The following STRA6 variants were observed in gnomAD, a reference collection of about 807,000 sequenced individuals.
STRA6 encodes signaling receptor and transporter of retinol STRA6, also known as receptor for retinol uptake STRA6.
In STRA6, 48 loss-of-function variants were observed where a neutral mutation model predicts 83.6. The ratio of observed to expected loss-of-function variants is 0.57; its 90% CI spans 0.46 to 0.73. The LOEUF (loss-of-function observed/expected upper bound fraction) is 0.73. Ranked by LOEUF, STRA6 falls within the 30% of genes least tolerant of loss-of-function variation. The pLI, the probability that STRA6 is intolerant of heterozygous loss-of-function variation, is 0.00. For synonymous variants in STRA6, 353 were observed against 362.3 expected (o/e 0.97, Z 0.29); for missense variants, 760 against 838.8 (o/e 0.91, Z 1.16).
intron 7 of STRA6, chr15:74,195,034 T>G (rs1257197399): frequency 2.1e-6 from 3 of 1,434,970 alleles, no homozygotes; most frequent in Non-Finnish European, 2.7e-6. Context: ...TTTCAGGCTT[T>G]CTCTTCCCCC....
chr15:74,180,888 A>G lies in STRA6; in HGVS notation c.1734T>C (p.His578=). 6.2e-7 allele frequency: 1 copy of G among 1,614,030 alleles called. No homozygotes were observed. The highest frequency in any genetic ancestry group is 8.5e-7 in the Non-Finnish European group (1 of 1,179,984). Residue 578 remains histidine (H), a synonymous_variant, in exon 18 of 19, where the codon CAT becomes CAC. Transcript: ENST00000395105. ...GGGAGCAGAAGGCTGTCATGGCTGGATGCGACTGGCTGACTTCAATCTTCA... is the reference window on the plus strand; with the variant it reads ...GGGAGCAGAAGGCTGTCATGGCTGGGTGCGACTGGCTGACTTCAATCTTCA... The part of the protein sequence containing the change: ...NFLKIEVSQS[H]PAMTAFCSLL...
In STRA6 at chr15:74,182,266, C is replaced by A; in HGVS notation, c.1419-4G>T. 1 of 1,614,084 alleles carries A rather than the reference C, an allele frequency of 6.2e-7. No homozygotes were observed. Among genetic ancestry groups the A allele is most frequent in the African/African-American group, 1.3e-5 (1 of 75,032 alleles). On this transcript the variant is annotated splice_polypyrimidine_tract_variant and splice_region_variant and intron_variant, in intron 15 of 18. Coordinates refer to ENST00000395105, the MANE Select transcript of STRA6 (RefSeq NM_022369.4). ...GGCCAAAGTCAGCCAGAAGGGCCTG[C>A]CAGTGGGGTGGGGAGGTGGTCGCTG...
intron 9 of STRA6, 48 bp downstream of exon 9, chr15:74,191,376 T>C (rs1296052637): frequency 6.2e-7 from 1 of 1,610,002 alleles, no homozygotes; most frequent in Non-Finnish European, 8.5e-7. Context: ...GCACGGCTGC[T>C]AACCAGCCCA....
At chr15:74,208,153 C>T in intron 1 of STRA6, 3 of 793,346 alleles carry the variant, frequency 3.8e-6, no homozygotes, top group South Asian at 2.9e-5. Context: ...TCTTTCCCTC[C>T]CAGAGGGCTA....
Position 74,189,281 on chromosome 15 carries a change from G to A in STRA6, c.928-4C>T, listed in dbSNP as rs1446248581. On this transcript the variant is annotated splice_region_variant and splice_polypyrimidine_tract_variant and intron_variant, in intron 11 of 18. Transcript: ENST00000395105. ...CCACCAGCAGCAGCAGGGCCACCTGGAAGAGCCCCACAGTGAGGGCCCCAT... is the reference window on the plus strand; with the variant it reads ...CCACCAGCAGCAGCAGGGCCACCTGAAAGAGCCCCACAGTGAGGGCCCCAT... 1.3e-6 allele frequency: 2 copies of A among 1,590,054 alleles called. No homozygotes were observed. The highest frequency in any genetic ancestry group is 1.1e-5 in the South Asian group (1 of 87,618).
At chr15:74,202,310 AG>A (rs775330188) in intron 1 of STRA6, 28 bp from the exon 2 acceptor site, 6 of 1,566,322 alleles carry the variant, frequency 3.8e-6, no homozygotes, top group South Asian at 3.7e-5. Context: ...AGAAAAAAAA[AG>A]CCACTACAGA....
Position 74,188,122 on chromosome 15 carries a change from C to T in STRA6, c.1090+993G>A, listed in dbSNP as rs992011627. Among the ~76,000 whole-genome samples, 3 of 152,186 alleles carry T rather than the reference C, an allele frequency of 2.0e-5. No individual in the cohort carries two copies. The highest frequency in any genetic ancestry group is 4.8e-5 in the African/African-American group (2 of 41,442). On this transcript the variant is annotated intron_variant, in intron 12 of 18. Transcript: ENST00000395105. This position sits in a 1 kb window ranked among gnomAD's most constrained non-coding sequence, Gnocchi z 4.5. Reference sequence around the variant, plus strand: ...TCTAGTACGGGAACTGAGGTGCTCACGGAGATGGTGGAGGTGGTCAGGGAA... The same window carrying T: ...TCTAGTACGGGAACTGAGGTGCTCATGGAGATGGTGGAGGTGGTCAGGGAA...
chr15:74,181,863 G>A (rs1180342606), intron 16 of STRA6, among the ~76,000 whole-genome samples: 1 of 152,192 alleles, frequency 6.6e-6, no homozygotes, highest in Non-Finnish European at 1.5e-5. Context: ...GCTACAAAGT[G>A]GGGAGGGGCA....
upstream of STRA6, chr15:74,202,867 G>A: frequency 9.8e-7 from 1 of 1,025,266 alleles, no homozygotes; most frequent in Non-Finnish European, 1.2e-6. Context: ...TTGGGCCTCG[G>A]TGATGGAAAT....
rs8037290 is a variant in STRA6 at position 74,183,594 on chromosome 15, T to C, written c.1300+262A>G. 17,022 of 1,330,296 alleles carry C rather than the reference T, an allele frequency of 0.013. 1,719 individuals carry two copies. In the African/African-American group the frequency reaches 0.22, roughly 17 times the overall value. The allele number at this position is 1,330,296 out of a possible 1,614,324, so 82.4% of individuals were successfully genotyped here. A position where few individuals can be genotyped will look rare whatever the true frequency, so the allele number is the denominator to read the frequency against. ...ACCTCCAGACCTGGGTCCACCCCCA[T>C]GTGAATACTTGGTGGCACCCAGGGT... On this transcript the variant is annotated intron_variant, in intron 14 of 18. Coordinates refer to ENST00000395105, the MANE Select transcript of STRA6 (RefSeq NM_022369.4).
At chr15:74,200,457 T>C (rs977609461) in intron 2 of STRA6, among the ~76,000 whole-genome samples, 13 of 152,156 alleles carry the variant, frequency 8.5e-5, no homozygotes, top group African/African-American at 2.7e-4. Flanking sequence ...ATGTTCTGGA[T>C]TTTAGGACAT....
chr15:74,187,854 T>C (rs2073332566), intron 12 of STRA6, among the ~76,000 whole-genome samples: 1 of 152,174 alleles, frequency 6.6e-6, no homozygotes, highest in African/African-American at 2.4e-5. Flanking sequence ...CCTGGATGTG[T>C]CTCATTTTGT....
intron 11 of STRA6, among the ~76,000 whole-genome samples, chr15:74,189,878 G>A (rs1314680042): frequency 2.0e-5 from 3 of 151,950 alleles, no homozygotes; most frequent in Non-Finnish European, 4.4e-5. Context: ...TGGCTGGGAT[G>A]GTCTCAATCT....
chr15:74,209,153 A>C, upstream of STRA6: 3 of 1,289,216 alleles, frequency 2.3e-6, no homozygotes, highest in Non-Finnish European at 3.0e-6. Flanking sequence ...TCTCCAGCTC[A>C]GGCACAGAGC....
chr15:74,202,991 T>C, upstream of STRA6: 1 of 986,124 alleles, frequency 1.0e-6, no homozygotes, highest in Non-Finnish European at 1.2e-6. Flanking sequence ...GCACCTGACT[T>C]CACACACATA....
At chr15:74,183,406 C>A in intron 14 of STRA6, 1 of 627,316 alleles carries the variant, frequency 1.6e-6, no homozygotes, top group Admixed American at 4.8e-5. Context: ...CCACCATACC[C>A]GGCTAATTTT....
chr15:74,181,785 G>T (rs1227333794), intron 16 of STRA6, among the ~76,000 whole-genome samples: 3 of 152,112 alleles, frequency 2.0e-5, no homozygotes, highest in African/African-American at 4.8e-5. Context: ...TCCCCTGTCT[G>T]CTAATTCCAA....
Position 74,195,593 on chromosome 15 carries a change from A to G in STRA6, c.430+59T>C. 2.6e-6 allele frequency: 4 copies of G among 1,556,710 alleles called. 1 individual carries two copies. In the South Asian group the frequency reaches 3.6e-5, roughly 14 times the overall value. ...CCTTCAGCACGTTCAGTGGGCAAGA[A>G]CACTAGGTTCAAATCCAGGCTCTGA... is the stretch of plus-strand genomic sequence containing the variant. On this transcript the variant is annotated intron_variant, in intron 6 of 18. Coordinates refer to ENST00000395105, the MANE Select transcript of STRA6 (RefSeq NM_022369.4).
chr15:74,194,817 T>G, intron 7 of STRA6: 1 of 1,310,922 alleles, frequency 7.6e-7, no homozygotes, highest in Middle Eastern at 2.8e-4. Context: ...ACCATCACTC[T>G]TTGAGTTCTA....
Sources: allele counts gnomAD v4.1 joint callset (sites outside exome capture counted in the v4.1 genomes callset), GRCh38; gene constraint gnomAD v4.1.1; non-coding constraint Gnocchi (gnomAD v3.1); transcripts MANE v1.5; gene names NCBI Gene and HGNC (gene_info 2026-07-23, HGNC 2026-07-21).